The following MEF2C variants were observed in gnomAD, a reference collection of about 807,000 sequenced individuals.
MEF2C encodes myocyte enhancer factor 2C, also known as myocyte-specific enhancer factor 2C.
In MEF2C, 6 loss-of-function variants were observed where a neutral mutation model predicts 50.5. That is an observed-to-expected ratio of 0.12 (90% CI 0.07 to 0.23). The LOEUF (loss-of-function observed/expected upper bound fraction) is 0.23, where lower values mean the gene tolerates loss of function less well. MEF2C is among the 10% of genes least tolerant of loss of function. The pLI, the probability that MEF2C is intolerant of heterozygous loss-of-function variation, is 1.00. For missense variants in MEF2C, 276 were observed against 605.0 expected (o/e 0.46, Z 5.70); for synonymous variants, 183 against 228.0 (o/e 0.80, Z 1.78).
upstream of MEF2C, among the ~76,000 whole-genome samples, chr5:88,885,579 GTATCA>G (rs1481511382): frequency 2.6e-5 from 4 of 152,192 alleles, no homozygotes; most frequent in Non-Finnish European, 5.9e-5. Context: ...GAGAACATCT[GTATCA>G]GGTTTCCATT....
chr5:88,758,256 T>C (rs1450115021), intron 4 of MEF2C, among the ~76,000 whole-genome samples: 3 of 152,120 alleles, frequency 2.0e-5, no homozygotes, highest in Non-Finnish European at 2.9e-5. Flanking sequence ...TTCCACTTCC[T>C]CCCTTCCCTT....
chr5:88,745,827 T>C (rs2152459793), intron 6 of MEF2C, among the ~76,000 whole-genome samples: 1 of 152,234 alleles, frequency 6.6e-6, no homozygotes, highest in South Asian at 2.1e-4. Flanking sequence ...AACACACACA[T>C]ACAAACACAC....
In MEF2C at chr5:88,721,859, A is replaced by G. The variant is rs1165505922; in HGVS notation, c.*745T>C. 1 of 152,654 alleles carries G rather than the reference A, an allele frequency of 6.6e-6. No individual in the cohort carries two copies. Among genetic ancestry groups the G allele is most frequent in the African/African-American group, 2.4e-5 (1 of 41,482 alleles). 9.5% of individuals were successfully genotyped at this position (152,654 alleles called of 1,614,324 possible). ...CACATTTTGGCTTAAGTAAACTACA[A>G]AAAGCCACAAATGCTTTGCAAACTC... On this transcript the variant is annotated 3_prime_UTR_variant, in exon 11 of 11. Coordinates refer to ENST00000504921, the MANE Select transcript of MEF2C (RefSeq NM_002397.5).
chr5:88,823,921 T>C lies in MEF2C; in HGVS notation c.-133A>G, dbSNP rs1809679638. The stretch of plus-strand genomic sequence containing the variant: ...ACAGCTCAGTTCCCAAATTCCTGCA[T>C]TCGTTCCTGCTGAACAAAAAAGAAA... On this transcript the variant is annotated 5_prime_UTR_variant, in exon 2 of 11. The change abolishes an upstream ATG in the 5' untranslated region. Transcript: ENST00000504921. The C allele has an allele frequency of 3.2e-5, 47 of 1,463,360 alleles. 1 individual carries two copies. The South Asian group carries it at 7.1e-4, about 22-fold the overall frequency. The allele number at this position is 1,463,360 out of a possible 1,614,324, so 90.6% of individuals were successfully genotyped here. A position where few individuals can be genotyped will look rare whatever the true frequency, so the allele number is the denominator to read the frequency against.
At chr5:88,880,216 A>C (rs1047982131) in intron 1 of MEF2C, among the ~76,000 whole-genome samples, 1 of 151,974 alleles carries the variant, frequency 6.6e-6, no homozygotes, top group Non-Finnish European at 1.5e-5. Context: ...TAAGTTTTAG[A>C]TATTAATTTG....
chr5:88,804,381 C>A, intron 3 of MEF2C: 1 of 506,634 alleles, frequency 2.0e-6, no homozygotes, highest in Non-Finnish European at 3.5e-6. Context: ...TAGCAAAGAC[C>A]AGATCTTACA....
intron 3 of MEF2C, among the ~76,000 whole-genome samples, chr5:88,762,198 C>G (rs1176548421): frequency 6.6e-6 from 1 of 152,186 alleles, no homozygotes; most frequent in East Asian, 1.9e-4. Flanking sequence ...TGGGTCTGGT[C>G]TAGTCTCAGC....
chr5:88,787,413 C>A (rs1791477769), intron 3 of MEF2C, among the ~76,000 whole-genome samples: 1 of 151,556 alleles, frequency 6.6e-6, no homozygotes, highest in South Asian at 2.1e-4. Flanking sequence ...CTCATGACAG[C>A]CCCGTAAGGA....
chr5:88,854,683 C>T (rs569217728), intron 1 of MEF2C, among the ~76,000 whole-genome samples: 2 of 152,044 alleles, frequency 1.3e-5, no homozygotes, highest in Admixed American at 6.6e-5. Context: ...ATAGAGAAAA[C>T]AAAGATGAGT....
chr5:88,775,373 C>T (rs1011740060), intron 3 of MEF2C, among the ~76,000 whole-genome samples: 1 of 152,028 alleles, frequency 6.6e-6, no homozygotes, highest in African/African-American at 2.4e-5. Flanking sequence ...GGAGAGGACA[C>T]GAGTCATGAA....
At chr5:88,745,435 A>G (rs140063873) in intron 6 of MEF2C, among the ~76,000 whole-genome samples, 2 of 152,364 alleles carry the variant, frequency 1.3e-5, no homozygotes, top group East Asian at 3.9e-4. Context: ...GAAGCAGAAG[A>G]AGGAAAGGCA....
intron 3 of MEF2C, among the ~76,000 whole-genome samples, chr5:88,779,401 G>C (rs925069491): frequency 5.3e-5 from 8 of 152,062 alleles, no homozygotes; most frequent in African/African-American, 1.9e-4. Flanking sequence ...CAGGTGGCTG[G>C]GAGAAGTTAG....
intron 4 of MEF2C, among the ~76,000 whole-genome samples, chr5:88,755,688 CT>C (rs1380928116): frequency 1.3e-5 from 2 of 152,202 alleles, no homozygotes; most frequent in Non-Finnish European, 2.9e-5. Context: ...TTTGAATTCA[CT>C]GTTACTACTT....
chr5:88,749,401 T>C (rs1581707795), intron 5 of MEF2C: 18 of 985,038 alleles, frequency 1.8e-5, no homozygotes, highest in East Asian at 1.1e-4. Flanking sequence ...TAAGTCTAGG[T>C]TTTCCCTAAG....
intron 1 of MEF2C, among the ~76,000 whole-genome samples, chr5:88,849,773 TA>T (rs1491268685): frequency 6.6e-6 from 1 of 152,080 alleles, no homozygotes; most frequent in Non-Finnish European, 1.5e-5. Context: ...AATACTTTTT[TA>T]AAAAAACACT....
At chr5:88,867,351 G>T (rs772772366) in intron 1 of MEF2C, among the ~76,000 whole-genome samples, 6 of 152,124 alleles carry the variant, frequency 3.9e-5, no homozygotes, top group Non-Finnish European at 8.8e-5. Flanking sequence ...GGCTTAATAA[G>T]AAGAGAGTGG....
chr5:88,784,402 A>T (rs1311443276), intron 3 of MEF2C, among the ~76,000 whole-genome samples: 3 of 152,216 alleles, frequency 2.0e-5, no homozygotes, highest in Non-Finnish European at 4.4e-5. Flanking sequence ...GCTTGAGCCA[A>T]TATTGATAAA....
At chr5:88,830,392 C>A (rs966443159) in intron 1 of MEF2C, among the ~76,000 whole-genome samples, 4 of 152,044 alleles carry the variant, frequency 2.6e-5, no homozygotes, top group African/African-American at 9.7e-5. Context: ...GTGGGCCTAA[C>A]CTGCCATTAT....
intron 1 of MEF2C, among the ~76,000 whole-genome samples, chr5:88,903,405 G>A (rs374975996): frequency 6.6e-6 from 1 of 151,400 alleles, no homozygotes; most frequent in Admixed American, 6.6e-5. Flanking sequence ...TGCAATGTAT[G>A]CTTTAAAAAT....
Sources: allele counts gnomAD v4.1 joint callset (sites outside exome capture counted in the v4.1 genomes callset), GRCh38; gene constraint gnomAD v4.1.1; transcripts MANE v1.5; gene names NCBI Gene and HGNC (gene_info 2026-07-23, HGNC 2026-07-21).